Variants in EIF2B2 observed in about 807,000 individuals in gnomAD.
The protein encoded by EIF2B2 is eukaryotic translation initiation factor 2B subunit beta.
A neutral mutation model predicts 34.7 loss-of-function variants in EIF2B2; 34 were observed. The observed-to-expected ratio is 0.98, with a 90% confidence interval of 0.75 to 1.31. The LOEUF (loss-of-function observed/expected upper bound fraction) is 1.31. Among genes scored for constraint, EIF2B2 ranks in the 50% most tolerant of loss-of-function variants. The pLI is 0.00. For missense variants in EIF2B2, 361 were observed against 447.7 expected (o/e 0.81, Z 1.75); for synonymous variants, 155 against 171.6 (o/e 0.90, Z 0.76).
At position 75,006,924 on chromosome 14, in the gene EIF2B2, C is replaced by G. The variant is rs968290632; in HGVS notation, c.831+210C>G. On this transcript the variant is annotated intron_variant, in intron 6 of 7. Coordinates refer to ENST00000266126, the MANE Select transcript of EIF2B2 (RefSeq NM_014239.4). This position sits in a 1 kb window ranked among gnomAD's most constrained non-coding sequence, Gnocchi z 4.1. ...TTCTCAGCTGTCAACTTTAGGAAGT[C>G]AAGATTGTAAGGACAATATGTAGTT... The G allele has an allele frequency of 2.1e-5, 16 of 774,592 alleles. No homozygotes were observed. The highest frequency in any genetic ancestry group is 4.5e-4 in the Middle Eastern group (2 of 4,488). 48.0% of individuals were successfully genotyped at this position (774,592 alleles called of 1,614,324 possible). A position where few individuals can be genotyped will look rare whatever the true frequency, so the allele number is the denominator to read the frequency against.
Position 75,009,301 on chromosome 14 carries a change from T to TAA in EIF2B2, c.*122_*123dup. On this transcript the variant is annotated 3_prime_UTR_variant, in exon 8 of 8. Transcript: ENST00000266126. ...ATGTGGGAGTGCACAGGAGTCCACC[T>TAA]AAAAAAAAAATCCTTGATACTGTTG... The TAA allele has an allele frequency of 3.2e-6, 4 of 1,233,068 alleles. No individual in the cohort carries two copies. The highest frequency in any genetic ancestry group is 3.4e-6 in the Non-Finnish European group (3 of 875,550). The allele number at this position is 1,233,068 out of a possible 1,614,324, so 76.4% of individuals were successfully genotyped here.
At position 75,007,726 on chromosome 14, in the gene EIF2B2, C is replaced by A; in HGVS notation, c.836C>A (p.Pro279His). ...TATAAATTTTTTCCTTTTTAGTTCC[C>A]CAATGAAGAAGACTCATTTCATAAG... ...APMFKLSPQF[P>H]NEEDSFHKFV... Residue 279 changes from proline (P) to histidine (H), a missense_variant, in exon 7 of 8, where the codon CCC (proline) becomes CAC (histidine). Transcript: ENST00000266126. 6.2e-7 allele frequency: 1 copy of A among 1,613,550 alleles called. No homozygotes were observed. The highest frequency in any genetic ancestry group is 1.1e-5 in the South Asian group (1 of 91,004).
rs1221087504 is a variant in EIF2B2 at position 75,006,025 on chromosome 14, C to T, written c.693+64C>T. ...ATGTTTCTAAAATATTGATTTTTAT[C>T]TCCTCCTGTAATATCCACGGTGAGA... On this transcript the variant is annotated intron_variant, in intron 5 of 7. Transcript: ENST00000266126. This position sits in a 1 kb window ranked among gnomAD's most constrained non-coding sequence, Gnocchi z 4.1. 8 of 1,327,998 alleles carry T rather than the reference C, an allele frequency of 6.0e-6. No individual in the cohort carries two copies. In the Middle Eastern group the frequency reaches 5.5e-4, roughly 91 times the overall value. 82.3% of individuals were successfully genotyped at this position (1,327,998 alleles called of 1,614,324 possible).
chr14:75,004,288 G>A (rs1264935845), intron 3 of EIF2B2, among the ~76,000 whole-genome samples: 2 of 152,182 alleles, frequency 1.3e-5, no homozygotes. Flanking sequence ...TGAATCTACT[G>A]TCTTCAAAAT....
chr14:75,012,208 G>C lies in EIF2B2; in HGVS notation c.*3020G>C, dbSNP rs1889716011. 6.6e-6 allele frequency: 1 copy of C among 151,940 alleles called. No homozygotes were observed. The highest frequency in any genetic ancestry group is 2.4e-5 in the African/African-American group (1 of 41,362). 9.4% of individuals were successfully genotyped at this position (151,940 alleles called of 1,614,324 possible). A position where few individuals can be genotyped will look rare whatever the true frequency, so the allele number is the denominator to read the frequency against. Reference sequence around the variant, plus strand: ...CTACCTGTCAGCCTTGGTATCAGGGGTGCCCACCTCCCACCCCTGCCTTGC... The same window carrying C: ...CTACCTGTCAGCCTTGGTATCAGGGCTGCCCACCTCCCACCCCTGCCTTGC... On this transcript the variant is annotated 3_prime_UTR_variant, in exon 8 of 8. Transcript: ENST00000266126.
intron 4 of EIF2B2, among the ~76,000 whole-genome samples, chr14:75,005,319 A>G (rs865874422): frequency 2.6e-5 from 4 of 151,822 alleles, no homozygotes; most frequent in Non-Finnish European, 4.4e-5. Flanking sequence ...AGAGGTTGCA[A>G]TGAGCCAAGA....
rs763563473 is a variant in EIF2B2, at chr14:75,004,734, C to G, written c.434-3C>G. On this transcript the variant is annotated splice_polypyrimidine_tract_variant and splice_region_variant and intron_variant, in intron 3 of 7. Coordinates refer to ENST00000266126, the MANE Select transcript of EIF2B2 (RefSeq NM_014239.4). ...TTTTTTTTTTGCAAAACCGTTCTTA[C>G]AGAAGGGACAATGGAGAACATTGCA... is the stretch of plus-strand genomic sequence containing the variant. 2 of 918,064 alleles carry G rather than the reference C, an allele frequency of 2.2e-6. No homozygotes were observed. Among genetic ancestry groups the G allele is most frequent in the Non-Finnish European group, 3.1e-6 (2 of 647,938 alleles). 56.9% of individuals were successfully genotyped at this position (918,064 alleles called of 1,614,324 possible).
In EIF2B2 at chr14:75,004,684, TA is replaced by T. The variant is rs1450289581; in HGVS notation, c.434-52del. 1.4e-4 allele frequency: 28 copies of T among 196,598 alleles called. 5 individuals carry two copies. Among genetic ancestry groups the T allele is most frequent in the African/African-American group, 6.7e-4 (8 of 11,934 alleles). 12.2% of individuals were successfully genotyped at this position (196,598 alleles called of 1,614,324 possible). The stretch of plus-strand genomic sequence containing the variant: ...GCAATTTCATATATATATATATATA[TA>T]TATATTTTTTTTTTTTTTTTTTTTT... On this transcript the variant is annotated intron_variant, in intron 3 of 7. Coordinates refer to ENST00000266126, the MANE Select transcript of EIF2B2 (RefSeq NM_014239.4).
chr14:75,007,756 T>C lies in EIF2B2; in HGVS notation c.866T>C (p.Val289Ala). The C allele has an allele frequency of 6.2e-7, 1 of 1,614,020 alleles. No individual in the cohort carries two copies. Among genetic ancestry groups the C allele is most frequent in the Non-Finnish European group, 8.5e-7 (1 of 1,179,960 alleles). Residue 289 changes from valine to alanine, a missense_variant, in exon 7 of 8, where the codon GTG (valine) becomes GCG (alanine). Physicochemically the swap from Val to Ala is moderately conservative, Grantham distance 64. Transcript: ENST00000266126. Reference sequence around the variant, plus strand: ...GAAGAAGACTCATTTCATAAGTTTGTGGCTCCTGAAGAAGTCCTGCCATTC... The same window carrying C: ...GAAGAAGACTCATTTCATAAGTTTGCGGCTCCTGAAGAAGTCCTGCCATTC... Reference protein sequence around the residue: ...PNEEDSFHKFVAPEEVLPFTE... With the variant: ...PNEEDSFHKFAAPEEVLPFTE...
At chr14:75,004,685 A>ATTTTTTTTTTTTTT (rs1566872885) in intron 3 of EIF2B2, 52 bp from the exon 4 acceptor site, 2 of 130,132 alleles carry the variant, frequency 1.5e-5, no homozygotes, top group Non-Finnish European at 2.0e-5. Context: ...ATATATATAT[A>ATTTTTTTTTTTTTT]TATATTTTTT....
At position 75,006,241 on chromosome 14, in the gene EIF2B2, A is replaced by C. The variant is rs1566873561; in HGVS notation, c.693+280A>C. On this transcript the variant is annotated intron_variant, in intron 5 of 7. Coordinates refer to ENST00000266126, the MANE Select transcript of EIF2B2 (RefSeq NM_014239.4). The surrounding 1 kb of genome is among the most constrained non-coding windows in gnomAD (Gnocchi z 4.1). ...GTGTCAGTTTCTAGGGATTGGCTAC[A>C]GGGCTCCTGCCTTATGCTCAAAGAG... 1 of 522,058 alleles carries C rather than the reference A, an allele frequency of 1.9e-6. No homozygotes were observed. The highest frequency in any genetic ancestry group is 3.4e-6 in the Non-Finnish European group (1 of 290,680). The allele number at this position is 522,058 out of a possible 1,614,324, so 32.3% of individuals were successfully genotyped here. A position where few individuals can be genotyped will look rare whatever the true frequency, so the allele number is the denominator to read the frequency against.
chr14:75,005,767 G>A, intron 4 of EIF2B2, 99 bp from the exon 5 acceptor site: 1 of 884,880 alleles, frequency 1.1e-6, no homozygotes, highest in Non-Finnish European at 1.9e-6. Flanking sequence ...TGCTGGATAT[G>A]CCCATATCAC....
At position 75,004,690 on chromosome 14, in the gene EIF2B2, T is replaced by TATA. The variant is rs764926377; in HGVS notation, c.434-47_434-46insATA. On this transcript the variant is annotated intron_variant, in intron 3 of 7. Coordinates refer to ENST00000266126, the MANE Select transcript of EIF2B2 (RefSeq NM_014239.4). ...TCATATATATATATATATATATATA[T>TATA]TTTTTTTTTTTTTTTTTTTTTTTTT... is the stretch of plus-strand genomic sequence containing the variant. 56 of 90,550 alleles carry TATA rather than the reference T, an allele frequency of 6.2e-4. No homozygotes were observed. In the East Asian group the frequency reaches 0.024, roughly 38 times the overall value. The allele number at this position is 90,550 out of a possible 1,614,324, so 5.6% of individuals were successfully genotyped here. A position where few individuals can be genotyped will look rare whatever the true frequency, so the allele number is the denominator to read the frequency against.
chr14:75,007,462 A>C (rs1264541492), intron 6 of EIF2B2: 1 of 395,216 alleles, frequency 2.5e-6, no homozygotes, highest in East Asian at 5.6e-5. Context: ...TGATGTTTTC[A>C]AAGTTCATCC....
rs1381907221 is a variant in EIF2B2, at chr14:75,007,425, G to A, written c.832-297G>A. 2.2e-5 allele frequency: 8 copies of A among 363,558 alleles called. No homozygotes were observed. The East Asian group carries it at 5.5e-4, about 25-fold the overall frequency. 22.5% of individuals were successfully genotyped at this position (363,558 alleles called of 1,614,324 possible). ...AAAGGAATCATATAATATGTGACAT[G>A]TTGTGCCTGACTTTTTTCACTTAGC... On this transcript the variant is annotated intron_variant, in intron 6 of 7. Coordinates refer to ENST00000266126, the MANE Select transcript of EIF2B2 (RefSeq NM_014239.4).
rs368343040 is a variant in EIF2B2, at chr14:75,003,621, A to C, written c.355A>C (p.Asn119His). 3.7e-6 allele frequency: 6 copies of C among 1,614,086 alleles called. No individual in the cohort carries two copies. Among genetic ancestry groups the C allele is most frequent in the Non-Finnish European group, 4.2e-6 (5 of 1,180,040 alleles). ...LHKLLTSGGL[N>H]EDFSFHYAQL... Reference sequence around the variant, plus strand: ...CAAACTGTTGACATCCGGAGGCCTAAACGAGGATTTCAGCTTCCATTATGC... The same window carrying C: ...CAAACTGTTGACATCCGGAGGCCTACACGAGGATTTCAGCTTCCATTATGC... Residue 119 changes from asparagine to histidine, a missense_variant, in exon 3 of 8, where the codon AAC becomes CAC. Transcript: ENST00000266126.
At position 75,003,066 on chromosome 14, in the gene EIF2B2, G is replaced by A. The variant is rs141355163; in HGVS notation, c.76G>A (p.Gly26Ser). 1.9e-6 allele frequency: 3 copies of A among 1,614,090 alleles called. No individual in the cohort carries two copies. In the East Asian group the frequency reaches 6.7e-5, roughly 36 times the overall value. The change falls in exon 1 of 8, where the codon GGT becomes AGT. Residue 26 changes from glycine to serine, a missense_variant. By Grantham distance (56) the Gly-to-Ser change is moderately conservative. Transcript: ENST00000266126. The stretch of plus-strand genomic sequence containing the variant: ...CTTCGTGGAGACCCTGAAGCGGGGT[G>A]GTGGGCCGCGCAGCTCCGAGGAAAT... ...ESFVETLKRG[G>S]GPRSSEEMAR...
In EIF2B2 at chr14:75,002,996, G is replaced by A; in HGVS notation, c.6G>A (p.Pro2=). The A allele has an allele frequency of 1.9e-6, 3 of 1,614,088 alleles. No homozygotes were observed. The highest frequency in any genetic ancestry group is 3.3e-5 in the Admixed American group (2 of 60,020). The change falls in exon 1 of 8, where the codon CCG becomes CCA. Residue 2 remains proline, a synonymous_variant. Coordinates refer to ENST00000266126, the MANE Select transcript of EIF2B2 (RefSeq NM_014239.4). ...TGAAGGCAGCTACCTTAAAGATGCC[G>A]GGATCCGCAGCGAAGGGCTCGGAGT... M[P]GSAAKGSELS...
At chr14:75,005,113 C>T (rs1268870653) in intron 4 of EIF2B2, 2 of 515,210 alleles carry the variant, frequency 3.9e-6, no homozygotes, top group Non-Finnish European at 7.2e-6. Context: ...AGCGATGGCT[C>T]ATGCCTGTAA....
Sources: allele counts gnomAD v4.1 joint callset (sites outside exome capture counted in the v4.1 genomes callset), GRCh38; gene constraint gnomAD v4.1.1; non-coding constraint Gnocchi (gnomAD v3.1); transcripts MANE v1.5; gene names NCBI Gene and HGNC (gene_info 2026-07-23, HGNC 2026-07-21).